The following SNTB1 variants were observed in gnomAD, a reference collection of about 807,000 sequenced individuals.
The protein encoded by SNTB1 is beta-1-syntrophin.
Under a neutral mutation model 48.9 loss-of-function variants are expected in SNTB1, and 36 were observed. The observed-to-expected ratio is 0.74, with a 90% CI of 0.56 to 0.97. The LOEUF (loss-of-function observed/expected upper bound fraction) is 0.97. Ranked by LOEUF, SNTB1 falls within the 50% of genes least tolerant of loss-of-function variation. The pLI, the probability that SNTB1 is intolerant of heterozygous loss-of-function variation, is 0.00. For synonymous variants in SNTB1, 299 were observed against 294.6 expected, an observed-to-expected ratio of 1.01 and a Z score of -0.15; for missense variants, 786 against 703.4, an observed-to-expected ratio of 1.12 and a Z score of -1.33.
At chr8:120,798,020 T>C (rs924654322) in intron 1 of SNTB1, among the ~76,000 whole-genome samples, 1 of 152,036 alleles carries the variant, frequency 6.6e-6, no homozygotes, top group Non-Finnish European at 1.5e-5. Flanking sequence ...AAATGTCTTA[T>C]GTTTGCTACA....
chr8:120,635,142 A>G (rs927185249), intron 2 of SNTB1, among the ~76,000 whole-genome samples: 4 of 152,178 alleles, frequency 2.6e-5, no homozygotes, highest in African/African-American at 9.7e-5. Context: ...GGAACAGGGA[A>G]TTCTTTAGGT....
At chr8:120,693,108 T>C (rs1349689221) in intron 2 of SNTB1, among the ~76,000 whole-genome samples, 2 of 152,110 alleles carry the variant, frequency 1.3e-5, no homozygotes, top group African/African-American at 4.8e-5. Flanking sequence ...AGGTATTTCA[T>C]GCTCTTTCAA....
At chr8:120,666,668 T>A (rs1817677318) in intron 2 of SNTB1, among the ~76,000 whole-genome samples, 1 of 152,208 alleles carries the variant, frequency 6.6e-6, no homozygotes, top group African/African-American at 2.4e-5. Flanking sequence ...CAGCCATTAT[T>A]TCTTCAAATG....
intron 1 of SNTB1, among the ~76,000 whole-genome samples, chr8:120,720,725 C>T (rs1818645316): frequency 6.6e-6 from 1 of 152,220 alleles, no homozygotes; most frequent in South Asian, 2.1e-4. Context: ...GAAGTCATTA[C>T]TGTTTTGGCA....
At chr8:120,617,256 G>A (rs1281068523) in intron 3 of SNTB1, among the ~76,000 whole-genome samples, 1 of 152,130 alleles carries the variant, frequency 6.6e-6, no homozygotes, top group Non-Finnish European at 1.5e-5. Flanking sequence ...AGGCAGTAAG[G>A]AATATAAAAT....
At chr8:120,603,010 CAAT>C (rs1356922007) in intron 3 of SNTB1, among the ~76,000 whole-genome samples, 1 of 151,894 alleles carries the variant, frequency 6.6e-6, no homozygotes, top group Non-Finnish European at 1.5e-5. Flanking sequence ...ATGTACAATT[CAAT>C]TATTCTCAGT....
intron 3 of SNTB1, among the ~76,000 whole-genome samples, chr8:120,603,119 T>C (rs1816450122): frequency 6.6e-6 from 1 of 152,142 alleles, no homozygotes; most frequent in African/African-American, 2.4e-5. Flanking sequence ...TTTTCTTTTT[T>C]TGAGACGGGG....
intron 3 of SNTB1, among the ~76,000 whole-genome samples, chr8:120,610,733 C>T (rs1187383929): frequency 6.6e-6 from 1 of 152,158 alleles, no homozygotes; most frequent in African/African-American, 2.4e-5. Context: ...TTGCTTCTCC[C>T]TACTCCTGAG....
chr8:120,697,316 T>C (rs1343875651), intron 1 of SNTB1, among the ~76,000 whole-genome samples: 2 of 152,184 alleles, frequency 1.3e-5, no homozygotes, highest in African/African-American at 4.8e-5. Flanking sequence ...TCCTTTTAAC[T>C]GGCCAATTGC....
chr8:120,701,294 T>G (rs917351732), intron 1 of SNTB1, among the ~76,000 whole-genome samples: 3 of 152,194 alleles, frequency 2.0e-5, no homozygotes, highest in African/African-American at 7.2e-5. Flanking sequence ...CCTGGGAGTC[T>G]GAGACCTGGA....
Position 120,729,749 on chromosome 8 carries a change from T to C in SNTB1, c.572-35841A>G, listed in dbSNP as rs184245254. On this transcript the variant is annotated intron_variant, in intron 1 of 6. Transcript: ENST00000517992. The stretch of plus-strand genomic sequence containing the variant: ...GTCCTGTTGCTTTCAGAGCAGCTGA[T>C]AGAGCAGAAGAAGGACTATGCCTAA... 3.3e-5 allele frequency among the ~76,000 whole-genome samples: 5 copies of C among 152,336 alleles called. No individual in the cohort carries two copies. In the East Asian group the frequency reaches 9.6e-4, roughly 29 times the overall value.
At chr8:120,776,380 C>T (rs545231715) in intron 1 of SNTB1, 3 of 152,298 alleles carry the variant, frequency 2.0e-5, no homozygotes, top group Non-Finnish European at 4.4e-5. Context: ...TCCTGGGTTA[C>T]CACCTACATT....
chr8:120,689,304 A>G (rs1300899514), intron 2 of SNTB1, among the ~76,000 whole-genome samples: 2 of 152,222 alleles, frequency 1.3e-5, no homozygotes, highest in Non-Finnish European at 2.9e-5. Context: ...CCAGGACACC[A>G]TTAACTCCTG....
chr8:120,580,479 G>T (rs904351567), intron 3 of SNTB1, among the ~76,000 whole-genome samples: 1 of 152,148 alleles, frequency 6.6e-6, no homozygotes, highest in Admixed American at 6.5e-5. Flanking sequence ...ACTCAAAATG[G>T]TAAACTGCCC....
chr8:120,647,075 G>T, intron 2 of SNTB1, among the ~76,000 whole-genome samples: 1 of 139,320 alleles, frequency 7.2e-6, no homozygotes. Flanking sequence ...TATTAGTCTT[G>T]CTAGCGGTCT....
At position 120,778,033 on chromosome 8, in the gene SNTB1, C is replaced by A. The variant is rs2130121754; in HGVS notation, c.571+33240G>T. On this transcript the variant is annotated intron_variant, in intron 1 of 6. Transcript: ENST00000517992. ...GTTTTGCAAACCACAGCTCTGTTAA[C>A]AATGTCCAGTCATTTACTTCTGCCA... Among the ~76,000 whole-genome samples the A allele has an allele frequency of 1.3e-5, 2 of 152,370 alleles. 1 individual carries two copies. Among genetic ancestry groups the A allele is most frequent in the South Asian group, 4.1e-4 (2 of 4,830 alleles).
intron 3 of SNTB1, among the ~76,000 whole-genome samples, chr8:120,580,272 A>T (rs1816023898): frequency 6.6e-6 from 1 of 152,128 alleles, no homozygotes; most frequent in Non-Finnish European, 1.5e-5. Context: ...TGGCAGGAAG[A>T]GCTCACAGTC....
intron 3 of SNTB1, among the ~76,000 whole-genome samples, chr8:120,600,641 T>C (rs117066339): frequency 3.1e-3 from 474 of 152,246 alleles, no homozygotes; most frequent in Non-Finnish European, 5.6e-3. Context: ...CATGTATCAA[T>C]TTGTCATTTA....
chr8:120,777,170 G>A (rs1563598901), intron 1 of SNTB1, among the ~76,000 whole-genome samples: 2 of 152,122 alleles, frequency 1.3e-5, no homozygotes, highest in Non-Finnish European at 2.9e-5. Flanking sequence ...ACATGTTTTT[G>A]CAAGGATTAG....
Sources: gnomAD v4.1 joint callset for allele counts (sites outside exome capture counted in the v4.1 genomes callset) on GRCh38, gnomAD v4.1.1 for gene constraint, MANE v1.5 for transcripts, NCBI Gene and HGNC (gene_info 2026-07-23, HGNC 2026-07-21) for gene names.